ZBTB7C: variants seen among roughly 807,000 people sequenced by gnomAD.
The protein encoded by ZBTB7C is zinc finger and BTB domain containing 7C.
ZBTB7C carries 8 observed loss-of-function variants against 25.7 expected under a neutral mutation model. The observed-to-expected ratio is 0.31, with a 90% CI of 0.18 to 0.56. The LOEUF is 0.56. Ranked by LOEUF, ZBTB7C falls within the 20% of genes least tolerant of loss-of-function variation. The pLI, the probability that ZBTB7C is intolerant of heterozygous loss-of-function variation, is 0.91. For synonymous variants in ZBTB7C, 394 were observed against 369.0 expected, an observed-to-expected ratio of 1.07 and a Z score of -0.78; for missense variants, 824 against 855.2, an observed-to-expected ratio of 0.96 and a Z score of 0.46.
At chr18:48,047,235 G>T (rs2036510077) in intron 3 of ZBTB7C, among the ~76,000 whole-genome samples, 1 of 152,162 alleles carries the variant, frequency 6.6e-6, no homozygotes, top group African/African-American at 2.4e-5. Flanking sequence ...GTCCCAAAGG[G>T]GATGTCATGC....
intron 2 of ZBTB7C, among the ~76,000 whole-genome samples, chr18:48,264,344 A>G (rs2044251688): frequency 2.6e-5 from 4 of 152,070 alleles, no homozygotes; most frequent in Admixed American, 2.6e-4. Context: ...TAAATCAGAG[A>G]GAAACAAAGA....
At chr18:48,353,769 A>T (rs922329604) in intron 1 of ZBTB7C, among the ~76,000 whole-genome samples, 1 of 152,152 alleles carries the variant, frequency 6.6e-6, no homozygotes, top group Admixed American at 6.5e-5. Context: ...CACGTTTCTC[A>T]TGATAACCTC....
intron 3 of ZBTB7C, among the ~76,000 whole-genome samples, chr18:48,081,577 G>A (rs1469241430): frequency 6.6e-6 from 1 of 151,720 alleles, no homozygotes; most frequent in Admixed American, 6.6e-5. Context: ...TCCTGCCTCA[G>A]CCTCCCTCTA....
At chr18:48,263,020 T>A (rs986210188) in intron 2 of ZBTB7C, among the ~76,000 whole-genome samples, 1 of 152,228 alleles carries the variant, frequency 6.6e-6, no homozygotes, top group African/African-American at 2.4e-5. Flanking sequence ...CTGGCCCAGG[T>A]TGCTCATAAC....
intron 3 of ZBTB7C, among the ~76,000 whole-genome samples, chr18:48,067,693 C>T (rs952875635): frequency 1.3e-5 from 2 of 152,188 alleles, no homozygotes; most frequent in African/African-American, 4.8e-5. Flanking sequence ...TTGCACGAGC[C>T]AATTCTGTAA....
intron 3 of ZBTB7C, among the ~76,000 whole-genome samples, chr18:48,055,653 G>C (rs1470410118): frequency 6.6e-6 from 1 of 152,038 alleles, no homozygotes; most frequent in Non-Finnish European, 1.5e-5. Context: ...TCACTCTCCT[G>C]ATATTTGCTC....
At chr18:48,132,369 C>T (rs1046406963) in intron 3 of ZBTB7C, among the ~76,000 whole-genome samples, 17 of 152,146 alleles carry the variant, frequency 1.1e-4, no homozygotes, top group Non-Finnish European at 1.5e-4. Context: ...CCAGAATAGG[C>T]AGATCTATAG....
At chr18:48,398,596 T>A (rs2048083552) in intron 1 of ZBTB7C, among the ~76,000 whole-genome samples, 1 of 152,136 alleles carries the variant, frequency 6.6e-6, no homozygotes, top group Non-Finnish European at 1.5e-5. Flanking sequence ...CGATGCTGCC[T>A]TAACCTCCTT....
At chr18:48,062,777 G>A (rs2037173161) in intron 3 of ZBTB7C, among the ~76,000 whole-genome samples, 1 of 152,362 alleles carries the variant, frequency 6.6e-6, no homozygotes, top group African/African-American at 2.4e-5. Flanking sequence ...GCCTTAAGAT[G>A]TCAGGGCTGG....
chr18:48,316,371 C>A (rs1170579371), intron 2 of ZBTB7C, among the ~76,000 whole-genome samples: 2 of 152,236 alleles, frequency 1.3e-5, no homozygotes, highest in African/African-American at 4.8e-5. Flanking sequence ...CCCCCAGCCC[C>A]TAGCCTGAGC....
intron 3 of ZBTB7C, among the ~76,000 whole-genome samples, chr18:48,105,474 T>C (rs1401979262): frequency 6.6e-6 from 1 of 152,174 alleles, no homozygotes; most frequent in East Asian, 1.9e-4. Context: ...TTATCATCCA[T>C]GGCCCTGACA....
chr18:48,301,666 T>G (rs2045548301), intron 2 of ZBTB7C, among the ~76,000 whole-genome samples: 1 of 152,134 alleles, frequency 6.6e-6, no homozygotes, highest in African/African-American at 2.4e-5. Flanking sequence ...AGTGGCTGTC[T>G]GTCATGGACA....
intron 1 of ZBTB7C, among the ~76,000 whole-genome samples, chr18:48,351,998 C>T (rs944758942): frequency 6.6e-6 from 1 of 152,174 alleles, no homozygotes; most frequent in Non-Finnish European, 1.5e-5. Flanking sequence ...CCCTTCCTCA[C>T]CTCCATTTAG....
At chr18:48,050,838 A>AT (rs2036657815) in intron 3 of ZBTB7C, among the ~76,000 whole-genome samples, 1 of 152,184 alleles carries the variant, frequency 6.6e-6, no homozygotes, top group South Asian at 2.1e-4. Context: ...CCCCTGGGTT[A>AT]ACAATGCCAC....
intron 2 of ZBTB7C, among the ~76,000 whole-genome samples, chr18:48,309,905 G>A (rs1275479733): frequency 1.3e-5 from 2 of 152,198 alleles, no homozygotes; most frequent in Admixed American, 1.3e-4. Context: ...AGTTGCAAAT[G>A]TCAAGTGCCT....
chr18:48,271,863 T>C (rs910893147), intron 2 of ZBTB7C, among the ~76,000 whole-genome samples: 17 of 152,300 alleles, frequency 1.1e-4, no homozygotes, highest in African/African-American at 3.4e-4. Flanking sequence ...AAACATCAAA[T>C]GTAATAATGA....
At chr18:48,127,485 C>G (rs1262211538) in intron 3 of ZBTB7C, among the ~76,000 whole-genome samples, 1 of 152,232 alleles carries the variant, frequency 6.6e-6, no homozygotes, top group Non-Finnish European at 1.5e-5. Flanking sequence ...CAAAGACCTG[C>G]ATGGGTGTCC....
rs372633947 is a variant in ZBTB7C at position 48,293,312 on chromosome 18, A to C, written c.-79+44862T>G. On this transcript the variant is annotated intron_variant, in intron 2 of 4. Transcript: ENST00000590800. ...TCTCCAGTCTGTTCCTCTTTTTACA[A>C]GAACATTCATGAGCACCCTACCCTA... Among the ~76,000 whole-genome samples the C allele has an allele frequency of 1.2e-4, 18 of 152,288 alleles. No homozygotes were observed. In the East Asian group the frequency reaches 3.3e-3, roughly 28 times the overall value.
At chr18:48,228,873 A>C in intron 2 of ZBTB7C, among the ~76,000 whole-genome samples, 1 of 149,716 alleles carries the variant, frequency 6.7e-6, no homozygotes. Context: ...ACACACTCTC[A>C]CTTTAGACTT....
Sources: gnomAD v4.1 joint callset for allele counts (sites outside exome capture counted in the v4.1 genomes callset) on GRCh38, gnomAD v4.1.1 for gene constraint, MANE v1.5 for transcripts, NCBI Gene and HGNC (gene_info 2026-07-23, HGNC 2026-07-21) for gene names.